FBXW10B: variants seen among roughly 807,000 people sequenced by gnomAD.
FBXW10B encodes the protein F-box and WD repeat domain containing 10B.
the FBXW10B span, chr17:15,598,623 T>C: frequency 6.2e-7 from 1 of 1,611,966 alleles, no homozygotes; most frequent in Middle Eastern, 1.7e-4. Context: ...CGAAGATTCG[T>C]GTGCAAACCC....
At chr17:15,589,887 T>C in the FBXW10B span, among the ~76,000 whole-genome samples, 1 of 152,198 alleles carries the variant, frequency 6.6e-6, no homozygotes, top group Non-Finnish European at 1.5e-5. Flanking sequence ...ACAAATGCGA[T>C]TACACCTTTA....
chr17:15,613,894 C>T, the FBXW10B span: 4 of 1,602,864 alleles, frequency 2.5e-6, no homozygotes, highest in African/African-American at 5.8e-5. Flanking sequence ...ATTTGCTGAA[C>T]CCAGAAGACA....
the FBXW10B span, among the ~76,000 whole-genome samples, chr17:15,575,594 C>T: frequency 3.4e-5 from 5 of 145,696 alleles, no homozygotes; most frequent in African/African-American, 1.4e-4. Context: ...CTCTGCATGG[C>T]GGCCCTTCCA....
the FBXW10B span, among the ~76,000 whole-genome samples, chr17:15,615,103 A>G: frequency 6.6e-6 from 1 of 151,898 alleles, no homozygotes; most frequent in African/African-American, 2.4e-5. Context: ...AGAGGTGCAA[A>G]TATGGGTTTG....
the FBXW10B span, among the ~76,000 whole-genome samples, chr17:15,609,852 C>CT: frequency 0.028 from 2,938 of 103,128 alleles, 160 homozygotes; most frequent in African/African-American, 0.066. Flanking sequence ...TTCTTTCTTT[C>CT]TTTTTTTTTT....
chr17:15,607,236 A>T, the FBXW10B span, among the ~76,000 whole-genome samples: 1 of 150,046 alleles, frequency 6.7e-6, no homozygotes, highest in South Asian at 2.2e-4. Flanking sequence ...ATTTTCTGGC[A>T]TTTGAAAGAT....
At chr17:15,582,563 CT>C in the FBXW10B span, among the ~76,000 whole-genome samples, 11 of 149,668 alleles carry the variant, frequency 7.3e-5, no homozygotes, top group South Asian at 2.1e-4. Flanking sequence ...GAGTCCTTTA[CT>C]TTTTTTTTAC....
chr17:15,567,450 A>C, the FBXW10B span, among the ~76,000 whole-genome samples: 1 of 152,158 alleles, frequency 6.6e-6, no homozygotes, highest in Admixed American at 6.5e-5. Context: ...AAGTTAGTAT[A>C]TACAGATCCT....
At chr17:15,612,653 A>T in the FBXW10B span, 2 of 1,612,938 alleles carry the variant, frequency 1.2e-6, no homozygotes, top group Non-Finnish European at 1.7e-6. Context: ...AATGGCAATT[A>T]GAATGAGACG....
the FBXW10B span, chr17:15,598,630 A>G: frequency 6.2e-7 from 1 of 1,612,570 alleles, no homozygotes; most frequent in Non-Finnish European, 8.5e-7. Context: ...TCGTGTGCAA[A>G]CCCCACTTTT....
At chr17:15,602,000 T>A in the FBXW10B span, among the ~76,000 whole-genome samples, 3 of 151,498 alleles carry the variant, frequency 2.0e-5, no homozygotes, top group Non-Finnish European at 4.4e-5. Flanking sequence ...TAGTCCCAGC[T>A]ACTCGGGAGG....
chr17:15,594,783 C>T, the FBXW10B span: 8 of 1,613,962 alleles, frequency 5.0e-6, no homozygotes, highest in South Asian at 8.8e-5. Flanking sequence ...AGCGCTCGTA[C>T]TTCCCCACCA....
chr17:15,601,234 C>T, the FBXW10B span, among the ~76,000 whole-genome samples: 3 of 146,338 alleles, frequency 2.1e-5, no homozygotes, highest in Non-Finnish European at 4.5e-5. Context: ...ACGGTGAAAC[C>T]CCGTCTCTAC....
chr17:15,588,863 C>CTG, the FBXW10B span: 1 of 1,614,164 alleles, frequency 6.2e-7, no homozygotes, highest in South Asian at 1.1e-5. Context: ...CCGTTGCTAG[C>CTG]TGTGTCCTTT....
At chr17:15,610,715 C>T in the FBXW10B span, among the ~76,000 whole-genome samples, 1 of 152,128 alleles carries the variant, frequency 6.6e-6, no homozygotes, top group Non-Finnish European at 1.5e-5. Flanking sequence ...GATGACAGTA[C>T]AATTCTGTCA....
chr17:15,619,192 G>C, the FBXW10B span: 1 of 1,613,978 alleles, frequency 6.2e-7, no homozygotes, highest in Non-Finnish European at 8.5e-7. Flanking sequence ...CCAACATTTG[G>C]TTCAAGGAGG....
the FBXW10B span, chr17:15,612,954 A>C: frequency 0.038 from 46,612 of 1,234,798 alleles, 1,583 homozygotes; most frequent in East Asian, 0.19. Context: ...TGCAGCAGGC[A>C]GGCCCACTTC....
the FBXW10B span, chr17:15,574,029 G>C: frequency 4.6e-6 from 3 of 652,830 alleles, no homozygotes; most frequent in African/African-American, 1.8e-5. Context: ...GCCAGCAGTC[G>C]CCAGGTGTCT....
chr17:15,602,588 A>C, the FBXW10B span, among the ~76,000 whole-genome samples: 3 of 138,166 alleles, frequency 2.2e-5, no homozygotes, highest in Non-Finnish European at 4.6e-5. Context: ...ATTTTATTAC[A>C]TTCATATTGA....
Sources: allele counts gnomAD v4.1 joint callset (sites outside exome capture counted in the v4.1 genomes callset), GRCh38; gene constraint gnomAD v4.1.1; transcripts MANE v1.5; gene names NCBI Gene and HGNC (gene_info 2026-07-23, HGNC 2026-07-21).